NWD2: variants seen among roughly 807,000 people sequenced by gnomAD.
NWD2 encodes the protein NACHT and WD repeat domain-containing protein 2.
In NWD2, 37 loss-of-function variants were observed where a neutral mutation model predicts 132.7. The observed-to-expected ratio is 0.28, with a 90% confidence interval of 0.21 to 0.37. The LOEUF (loss-of-function observed/expected upper bound fraction) is 0.37, where lower values mean the gene tolerates loss of function less well. Among genes scored for constraint, NWD2 ranks in the 10% least tolerant of loss-of-function variants. NWD2 has a pLI of 1.00. For missense variants in NWD2, 1,592 were observed against 2,122.4 expected, an observed-to-expected ratio of 0.75 and a Z score of 4.91; for synonymous variants, 705 against 803.0, an observed-to-expected ratio of 0.88 and a Z score of 2.06.
chr4:37,424,136 G>A (rs895557406), intron 3 of NWD2, among the ~76,000 whole-genome samples: 1 of 151,988 alleles, frequency 6.6e-6, no homozygotes, highest in Non-Finnish European at 1.5e-5. Context: ...CAACACCCAA[G>A]GCTATAACAT....
chr4:37,323,158 A>G (rs185794773), intron 1 of NWD2, among the ~76,000 whole-genome samples: 1 of 152,306 alleles, frequency 6.6e-6, no homozygotes, highest in African/African-American at 2.4e-5. Flanking sequence ...GACTAAGGAA[A>G]TGCAAATAGA....
At chr4:37,406,997 C>CA (rs1256166639) in intron 3 of NWD2, among the ~76,000 whole-genome samples, 5 of 152,104 alleles carry the variant, frequency 3.3e-5, no homozygotes, top group Non-Finnish European at 7.3e-5. Context: ...GAAAACCAAA[C>CA]ACCGCATGTT....
At chr4:37,423,259 G>A (rs1431236833) in intron 3 of NWD2, among the ~76,000 whole-genome samples, 1 of 151,948 alleles carries the variant, frequency 6.6e-6, no homozygotes, top group Non-Finnish European at 1.5e-5. Context: ...TCTTTAATGT[G>A]GACATTATTT....
chr4:37,407,969 G>A (rs13135617), intron 3 of NWD2, among the ~76,000 whole-genome samples: 8,034 of 152,226 alleles, frequency 0.053, 276 homozygotes, highest in Non-Finnish European at 0.082. Flanking sequence ...AAGCCATGAG[G>A]AACTGAGCCT....
chr4:37,357,566 G>T (rs1365896271), intron 3 of NWD2, among the ~76,000 whole-genome samples: 3 of 152,154 alleles, frequency 2.0e-5, no homozygotes, highest in Non-Finnish European at 4.4e-5. Context: ...GGTGCTGGGG[G>T]TGTGGTAGGT....
intron 3 of NWD2, among the ~76,000 whole-genome samples, chr4:37,423,920 T>C (rs1711902103): frequency 6.6e-6 from 1 of 152,144 alleles, no homozygotes; most frequent in Non-Finnish European, 1.5e-5. Context: ...TATTACAAAT[T>C]CAGATACATG....
intron 1 of NWD2, among the ~76,000 whole-genome samples, chr4:37,274,535 T>C (rs554906074): frequency 5.5e-4 from 84 of 152,322 alleles, no homozygotes; most frequent in African/African-American, 2.0e-3. Context: ...CTTCTGAAAC[T>C]ATTCCAATCA....
chr4:37,309,473 T>A lies in NWD2; in HGVS notation c.152-16463T>A, dbSNP rs73807482. On this transcript the variant is annotated intron_variant, in intron 1 of 6. Coordinates refer to ENST00000309447, the MANE Select transcript of NWD2 (RefSeq NM_001144990.2). ...CCCTGTAGCCTTCTGGATTGGATAA[T>A]GATAAGGGCTCAGAAATGCAGAGAA... Among the ~76,000 whole-genome samples, 743 of 152,206 alleles carry A rather than the reference T, an allele frequency of 4.9e-3. 5 individuals carry two copies. Among genetic ancestry groups the A allele is most frequent in the African/African-American group, 0.017 (716 of 41,522 alleles).
intron 3 of NWD2, among the ~76,000 whole-genome samples, chr4:37,357,582 C>T (rs1048930766): frequency 6.6e-6 from 1 of 152,124 alleles, no homozygotes; most frequent in Non-Finnish European, 1.5e-5. Flanking sequence ...TAGGTTGACC[C>T]ATACGAAATT....
chr4:37,245,406 TG>T (rs1717217907), intron 1 of NWD2, among the ~76,000 whole-genome samples, 188 bp downstream of exon 1: 1 of 152,156 alleles, frequency 6.6e-6, no homozygotes, highest in Non-Finnish European at 1.5e-5. Flanking sequence ...TGGCCGGTTT[TG>T]CCTGCACACT....
intron 1 of NWD2, among the ~76,000 whole-genome samples, chr4:37,315,005 G>C (rs1033546308): frequency 1.3e-5 from 2 of 151,966 alleles, no homozygotes; most frequent in African/African-American, 4.8e-5. Flanking sequence ...AATTTTTGAT[G>C]CATGAGTAAT....
intron 5 of NWD2, among the ~76,000 whole-genome samples, chr4:37,438,176 G>C (rs551851418): frequency 2.0e-5 from 3 of 151,900 alleles, no homozygotes; most frequent in Non-Finnish European, 2.9e-5. Flanking sequence ...CAGGAGAATG[G>C]TGTGAACCCA....
chr4:37,360,976 G>A (rs1719970834), intron 3 of NWD2, among the ~76,000 whole-genome samples: 3 of 152,230 alleles, frequency 2.0e-5, no homozygotes, highest in African/African-American at 4.8e-5. Flanking sequence ...CAAAGGTGAC[G>A]TTATAACTGA....
intron 1 of NWD2, among the ~76,000 whole-genome samples, chr4:37,269,389 T>C (rs1224660944): frequency 6.6e-6 from 1 of 151,862 alleles, no homozygotes; most frequent in Non-Finnish European, 1.5e-5. Flanking sequence ...AATCTTTTTA[T>C]GAGATAAGAT....
In NWD2 at chr4:37,436,656, A is replaced by T. The variant is rs191200150; in HGVS notation, c.707-2145A>T. Among the ~76,000 whole-genome samples the T allele has an allele frequency of 2.0e-5, 3 of 152,280 alleles. No individual in the cohort carries two copies. The East Asian group carries it at 5.8e-4, about 29-fold the overall frequency. On this transcript the variant is annotated intron_variant, in intron 5 of 6. Transcript: ENST00000309447. The stretch of plus-strand genomic sequence containing the variant: ...TCTGATTATAATGCATTATATATAG[A>T]TACTACAGTTTGACCGCTTCCTTTC...
intron 3 of NWD2, among the ~76,000 whole-genome samples, chr4:37,395,700 A>T (rs1720778520): frequency 6.7e-6 from 1 of 148,502 alleles, no homozygotes; most frequent in South Asian, 2.1e-4. Context: ...TTCTTCCTTC[A>T]TCCCACTCCC....
rs1204030395 is a variant in NWD2, at chr4:37,299,978, CTG to C, written c.152-25955_152-25954del. ...CCCCCATACACTATACTGTAACAAACTGTGCTACTTCCTCAAATACATCGTGT... is the reference window on the plus strand; with the variant it reads ...CCCCCATACACTATACTGTAACAAACTGCTACTTCCTCAAATACATCGTGT... On this transcript the variant is annotated intron_variant, in intron 1 of 6. Coordinates refer to ENST00000309447, the MANE Select transcript of NWD2 (RefSeq NM_001144990.2). 2.6e-5 allele frequency among the ~76,000 whole-genome samples: 4 copies of C among 152,148 alleles called. No individual in the cohort carries two copies. The East Asian group carries it at 5.8e-4, about 22-fold the overall frequency.
At chr4:37,277,521 G>T (rs1207326506) in intron 1 of NWD2, among the ~76,000 whole-genome samples, 1 of 151,550 alleles carries the variant, frequency 6.6e-6, no homozygotes, top group Admixed American at 6.6e-5. Context: ...GTCATCTCAA[G>T]TATGCTATTG....
chr4:37,356,736 A>T (rs1368864631), intron 3 of NWD2, among the ~76,000 whole-genome samples: 5 of 152,184 alleles, frequency 3.3e-5, no homozygotes, highest in African/African-American at 1.2e-4. Flanking sequence ...TTTGACAACA[A>T]TTTCTACAAC....
Sources: gnomAD v4.1 joint callset for allele counts (sites outside exome capture counted in the v4.1 genomes callset) on GRCh38, gnomAD v4.1.1 for gene constraint, MANE v1.5 for transcripts, NCBI Gene and HGNC (gene_info 2026-07-23, HGNC 2026-07-21) for gene names.